CLEC2D: variants seen among roughly 807,000 people sequenced by gnomAD.
CLEC2D encodes the protein C-type lectin related f.
Under a neutral mutation model 20.0 loss-of-function variants are expected in CLEC2D, and 16 were observed. The ratio of observed to expected loss-of-function variants is 0.80; its 90% CI spans 0.54 to 1.22. CLEC2D has a LOEUF of 1.22. Among genes scored for constraint, CLEC2D ranks in the 50% most tolerant of loss-of-function variants. The pLI, the probability that CLEC2D is intolerant of heterozygous loss-of-function variation, is 0.00. For missense variants in CLEC2D, 207 were observed against 221.5 expected (o/e 0.93, Z 0.42); for synonymous variants, 77 against 71.1 (o/e 1.08, Z -0.42).
intron 2 of CLEC2D, among the ~76,000 whole-genome samples, chr12:9,682,544 G>C (rs1214622718): frequency 1.3e-5 from 2 of 152,242 alleles, no homozygotes; most frequent in Non-Finnish European, 2.9e-5. Flanking sequence ...ACACGCCTCA[G>C]TGTGTGATGT....
rs755403198 is a variant in CLEC2D at position 9,695,855 on chromosome 12, C to A, written c.*981C>A. 285 of 988,852 alleles carry A rather than the reference C, an allele frequency of 2.9e-4. No individual in the cohort carries two copies. Among genetic ancestry groups the A allele is most frequent in the Middle Eastern group, 2.1e-3 (7 of 3,328 alleles). 61.3% of individuals were successfully genotyped at this position (988,852 alleles called of 1,614,324 possible). On this transcript the variant is annotated 3_prime_UTR_variant, in exon 5 of 5. Transcript: ENST00000290855. ...AAAAAAGTAAAACTTGCTGCTGCTG[C>A]TGATGATGATGATGATGAAGATGAT...
At chr12:9,692,401 A>G (rs1865887848) in intron 3 of CLEC2D, among the ~76,000 whole-genome samples, 1 of 152,028 alleles carries the variant, frequency 6.6e-6, no homozygotes, top group Non-Finnish European at 1.5e-5. Flanking sequence ...CGGCCTCCCA[A>G]AGTACTGGGA....
intron 1 of CLEC2D, among the ~76,000 whole-genome samples, chr12:9,676,082 A>G (rs1865515926): frequency 6.6e-6 from 1 of 152,252 alleles, no homozygotes; most frequent in Admixed American, 6.5e-5. Context: ...TCATCTGCAG[A>G]GAAATACAGT....
Position 9,695,855 on chromosome 12 carries a change from C to CTGCTGATGATGATGATGAAGA in CLEC2D, c.*983_*984insCTGATGATGATGATGAAGATG. The CTGCTGATGATGATGATGAAGA allele has an allele frequency of 1.0e-6, 1 of 988,826 alleles. No homozygotes were observed. Among genetic ancestry groups the CTGCTGATGATGATGATGAAGA allele is most frequent in the Admixed American group, 1.7e-5 (1 of 58,696 alleles). 61.3% of individuals were successfully genotyped at this position (988,826 alleles called of 1,614,324 possible). On this transcript the variant is annotated 3_prime_UTR_variant, in exon 5 of 5. Coordinates refer to ENST00000290855, the MANE Select transcript of CLEC2D (RefSeq NM_013269.6). ...AAAAAAGTAAAACTTGCTGCTGCTG[C>CTGCTGATGATGATGATGAAGA]TGATGATGATGATGATGAAGATGAT... is the stretch of plus-strand genomic sequence containing the variant.
At chr12:9,682,818 A>T (rs1370887254) in intron 2 of CLEC2D, among the ~76,000 whole-genome samples, 5 of 152,196 alleles carry the variant, frequency 3.3e-5, no homozygotes, top group Non-Finnish European at 7.3e-5. Flanking sequence ...GAATAGTGCC[A>T]CAATAAACAT....
At chr12:9,681,111 T>C (rs1046017758) in intron 2 of CLEC2D, 78 bp downstream of exon 2, 1 of 838,026 alleles carries the variant, frequency 1.2e-6, no homozygotes, top group Non-Finnish European at 1.9e-6. Flanking sequence ...AATAATTTTG[T>C]TATTCTTTAC....
intron 4 of CLEC2D, among the ~76,000 whole-genome samples, chr12:9,694,099 C>T (rs1240440288): frequency 6.6e-6 from 1 of 151,586 alleles, no homozygotes; most frequent in Non-Finnish European, 1.5e-5. Context: ...CAGGTGTGAG[C>T]CACCATGCCT....
At chr12:9,692,132 G>A (rs919372116) in intron 3 of CLEC2D, among the ~76,000 whole-genome samples, 2 of 151,128 alleles carry the variant, frequency 1.3e-5, no homozygotes, top group African/African-American at 4.9e-5. Flanking sequence ...TCTTTCGTTC[G>A]TTCGTTCGTT....
chr12:9,684,677 T>C (rs1030167949), intron 2 of CLEC2D, among the ~76,000 whole-genome samples: 1 of 152,172 alleles, frequency 6.6e-6, no homozygotes, highest in Non-Finnish European at 1.5e-5. Flanking sequence ...ATGTAATGGA[T>C]TACATTTATT....
chr12:9,684,315 A>G (rs572045623), intron 2 of CLEC2D, among the ~76,000 whole-genome samples: 21 of 152,346 alleles, frequency 1.4e-4, no homozygotes, highest in Middle Eastern at 3.4e-3. Flanking sequence ...CAATTCTGTC[A>G]TCTGCAAACA....
intron 2 of CLEC2D, among the ~76,000 whole-genome samples, chr12:9,686,681 A>G (rs1459633137): frequency 6.6e-6 from 1 of 152,220 alleles, no homozygotes; most frequent in Non-Finnish European, 1.5e-5. Flanking sequence ...GTTATATAAT[A>G]GAAGATGAAC....
At chr12:9,691,821 C>T (rs1865870084) in intron 3 of CLEC2D, among the ~76,000 whole-genome samples, 1 of 151,994 alleles carries the variant, frequency 6.6e-6, no homozygotes, top group African/African-American at 2.4e-5. Flanking sequence ...AAATCCATAG[C>T]CTAACTGTAC....
rs760097536 is a variant in CLEC2D at position 9,699,036 on chromosome 12, C to T, written c.*4162C>T. On this transcript the variant is annotated 3_prime_UTR_variant, in exon 5 of 5. Coordinates refer to ENST00000290855, the MANE Select transcript of CLEC2D (RefSeq NM_013269.6). ...TTAACCCACCTGGATAGATTTTTCT[C>T]ACAAACCATTGTCTTCTCTGCAAGC... 16 of 152,260 alleles carry T rather than the reference C, an allele frequency of 1.1e-4. No individual in the cohort carries two copies. The highest frequency in any genetic ancestry group is 1.6e-4 in the Non-Finnish European group (11 of 68,018). The allele number at this position is 152,260 out of a possible 1,614,324, so 9.4% of individuals were successfully genotyped here.
intron 2 of CLEC2D, among the ~76,000 whole-genome samples, chr12:9,683,317 AGTTTGTT>A (rs1865676214): frequency 2.5e-5 from 2 of 79,328 alleles, no homozygotes; most frequent in East Asian, 5.1e-4. Context: ...CTCTGATGAT[AGTTTGTT>A]TTTTGTGTTT....
chr12:9,672,457 A>T (rs1865443782), intron 1 of CLEC2D, among the ~76,000 whole-genome samples: 1 of 152,198 alleles, frequency 6.6e-6, no homozygotes, highest in Admixed American at 6.5e-5. Flanking sequence ...AATCTGATGG[A>T]CTTCCCTTTG....
chr12:9,682,863 T>C (rs1827745773), intron 2 of CLEC2D, among the ~76,000 whole-genome samples: 1 of 152,152 alleles, frequency 6.6e-6, no homozygotes, highest in African/African-American at 2.4e-5. Flanking sequence ...GAATGATTTA[T>C]AATCCTTTGG....
intron 2 of CLEC2D, among the ~76,000 whole-genome samples, chr12:9,687,624 A>G (rs138791112): frequency 2.5e-3 from 375 of 152,312 alleles, no homozygotes; most frequent in Non-Finnish European, 4.5e-3. Flanking sequence ...AACACTGTTG[A>G]GAGCCAAATA....
chr12:9,676,991 A>G (rs1193446547), intron 1 of CLEC2D, among the ~76,000 whole-genome samples: 1 of 151,840 alleles, frequency 6.6e-6, no homozygotes, highest in Admixed American at 6.6e-5. Context: ...TGATATAGAT[A>G]ATTTGTGTCC....
Position 9,683,730 on chromosome 12 carries a change from A to G in CLEC2D, c.172+2697A>G, listed in dbSNP as rs190018346. On this transcript the variant is annotated intron_variant, in intron 2 of 4. Transcript: ENST00000290855. The stretch of plus-strand genomic sequence containing the variant: ...AGGCCTCTGTTCTGTCCATTGGTCA[A>G]TATATCTGTTTTGGTACCAACACCA... Among the ~76,000 whole-genome samples, 253 of 152,190 alleles carry G rather than the reference A, an allele frequency of 1.7e-3. 1 individual carries two copies. The highest frequency in any genetic ancestry group is 6.0e-3 in the African/African-American group (247 of 41,506).
Sources: allele counts gnomAD v4.1 joint callset (sites outside exome capture counted in the v4.1 genomes callset), GRCh38; gene constraint gnomAD v4.1.1; transcripts MANE v1.5; gene names NCBI Gene and HGNC (gene_info 2026-07-23, HGNC 2026-07-21).